PTPN14: variants seen among roughly 807,000 people sequenced by gnomAD.
PTPN14 encodes the protein tyrosine-protein phosphatase non-receptor type 14.
PTPN14 carries 53 observed loss-of-function variants against 126.8 expected under a neutral mutation model. The ratio of observed to expected loss-of-function variants is 0.42; its 90% CI spans 0.34 to 0.53. The LOEUF is 0.53. Among genes scored for constraint, PTPN14 ranks in the 20% least tolerant of loss-of-function variants. The probability of loss-of-function intolerance (pLI) is 0.08; values close to 1 mark genes in which losing one functional copy is unlikely to be tolerated. For synonymous variants in PTPN14, 630 were observed against 599.3 expected (o/e 1.05, Z -0.75); for missense variants, 1,257 against 1,552.9 (o/e 0.81, Z 3.20).
At chr1:214,414,392 C>T (rs1446515515) in intron 4 of PTPN14, among the ~76,000 whole-genome samples, 1 of 152,142 alleles carries the variant, frequency 6.6e-6, no homozygotes, top group Non-Finnish European at 1.5e-5. Context: ...CTGCTATTTC[C>T]TCATATAAAA....
chr1:214,464,048 T>C (rs1324835921), intron 2 of PTPN14, among the ~76,000 whole-genome samples: 1 of 152,154 alleles, frequency 6.6e-6, no homozygotes, highest in Admixed American at 6.5e-5. Context: ...TTAAAAGCCA[T>C]CTCACAGACG....
At chr1:214,438,301 TA>T in intron 3 of PTPN14, among the ~76,000 whole-genome samples, 1 of 152,166 alleles carries the variant, frequency 6.6e-6, no homozygotes, top group Non-Finnish European at 1.5e-5. Flanking sequence ...TCGGGCCTGA[TA>T]ACCTTAGCCT....
chr1:214,520,065 A>AAAAATATAT, intron 1 of PTPN14, among the ~76,000 whole-genome samples: 29 of 71,110 alleles, frequency 4.1e-4, no homozygotes, highest in African/African-American at 2.1e-3. Flanking sequence ...AAAAAAAAAA[A>AAAAATATAT]ATATATATAT....
intron 1 of PTPN14, among the ~76,000 whole-genome samples, chr1:214,497,108 T>C (rs181332589): frequency 1.3e-5 from 2 of 151,834 alleles, no homozygotes; most frequent in Admixed American, 1.3e-4. Flanking sequence ...TTGAGCTCTA[T>C]TGGGGCAGCG....
intron 1 of PTPN14, among the ~76,000 whole-genome samples, chr1:214,490,784 C>T (rs919073331): frequency 2.8e-5 from 4 of 143,676 alleles, no homozygotes; most frequent in Non-Finnish European, 4.5e-5. Flanking sequence ...TTGCAGTGAG[C>T]CGAGATTGCG....
chr1:214,509,960 G>A (rs922600519), intron 1 of PTPN14, among the ~76,000 whole-genome samples: 2 of 152,168 alleles, frequency 1.3e-5, no homozygotes, highest in African/African-American at 4.8e-5. Flanking sequence ...GACACAGGGT[G>A]GGGAACATCA....
chr1:214,541,054 C>T (rs1164990504), intron 1 of PTPN14, among the ~76,000 whole-genome samples: 2 of 151,978 alleles, frequency 1.3e-5, no homozygotes, highest in African/African-American at 4.8e-5. Context: ...CAAAATATGT[C>T]TCCAAAGGTG....
intron 5 of PTPN14, among the ~76,000 whole-genome samples, chr1:214,405,722 C>A (rs1462136608): frequency 6.6e-6 from 1 of 151,934 alleles, no homozygotes; most frequent in African/African-American, 2.4e-5. Flanking sequence ...AATAATATGA[C>A]AACTAAATAA....
At position 214,462,101 on chromosome 1, in the gene PTPN14, T is replaced by G. The variant is rs77153793; in HGVS notation, c.174+2529A>C. On this transcript the variant is annotated intron_variant, in intron 2 of 18. Coordinates refer to ENST00000366956, the MANE Select transcript of PTPN14 (RefSeq NM_005401.5). ...GGCACAACTTCAATGTTATCTGTCATGGAAGGAAAGCATAAAATTCAAAAA... is the reference window on the plus strand; with the variant it reads ...GGCACAACTTCAATGTTATCTGTCAGGGAAGGAAAGCATAAAATTCAAAAA... Among the ~76,000 whole-genome samples, 519 of 152,262 alleles carry G rather than the reference T, an allele frequency of 3.4e-3. 1 individual carries two copies. The highest frequency in any genetic ancestry group is 6.5e-3 in the Non-Finnish European group (442 of 68,024).
chr1:214,529,862 C>A (rs944851644), intron 1 of PTPN14: 1 of 151,854 alleles, frequency 6.6e-6, no homozygotes, highest in Non-Finnish European at 1.5e-5. Context: ...CTAGCCTGGG[C>A]GAAAGAGTGT....
intron 1 of PTPN14, among the ~76,000 whole-genome samples, chr1:214,490,673 C>G (rs1326823875): frequency 1.3e-5 from 2 of 151,400 alleles, no homozygotes; most frequent in African/African-American, 4.9e-5. Context: ...CCTGTTTCTA[C>G]TAAAAATACA....
At position 214,383,706 on chromosome 1, in the gene PTPN14, C is replaced by A. The variant is rs1345066769; in HGVS notation, c.2149G>T (p.Ala717Ser). The change falls in exon 13 of 19, where the codon GCT (alanine) becomes TCT (serine). Residue 717 changes from alanine (A) to serine (S), a missense_variant. By Grantham distance (99) the Ala-to-Ser change is moderately conservative. Transcript: ENST00000366956. The surrounding 1 kb of genome is among the most constrained non-coding windows in gnomAD (Gnocchi z 4.4). ...SSESEEEEEE[A>S]PESVPQIPML... ...GGGATCTGGGGCACCGATTCTGGAG[C>A]CTCCTCCTCCTCCTCCTCACTCTCG... The A allele has an allele frequency of 2.0e-6, 3 of 1,509,394 alleles. No individual in the cohort carries two copies. In the African/African-American group the frequency reaches 4.3e-5, roughly 22 times the overall value. The allele number at this position is 1,509,394 out of a possible 1,614,324, so 93.5% of individuals were successfully genotyped here. A position where few individuals can be genotyped will look rare whatever the true frequency, so the allele number is the denominator to read the frequency against.
chr1:214,442,720 G>A (rs1174323283), intron 3 of PTPN14, among the ~76,000 whole-genome samples: 2 of 152,106 alleles, frequency 1.3e-5, no homozygotes, highest in Admixed American at 6.6e-5. Flanking sequence ...TTACGGCTAA[G>A]TTAACTTCGG....
chr1:214,359,587 A>G (rs903027781), intron 18 of PTPN14, among the ~76,000 whole-genome samples: 3 of 151,620 alleles, frequency 2.0e-5, no homozygotes, highest in African/African-American at 4.9e-5. Context: ...TGGTGCGATC[A>G]TAACTCATTG....
At chr1:214,366,232 T>G (rs1406585650) in intron 17 of PTPN14, among the ~76,000 whole-genome samples, 1 of 152,098 alleles carries the variant, frequency 6.6e-6, no homozygotes, top group East Asian at 1.9e-4. Context: ...GAGGGAGTAG[T>G]TACTATTAGG....
At chr1:214,459,377 T>C (rs1572013183) in intron 2 of PTPN14, among the ~76,000 whole-genome samples, 1 of 151,926 alleles carries the variant, frequency 6.6e-6, no homozygotes, top group South Asian at 2.1e-4. Flanking sequence ...GGTCTCGAAC[T>C]CCTGACTTCA....
chr1:214,482,076 T>G (rs1033300714), intron 1 of PTPN14, among the ~76,000 whole-genome samples: 2 of 152,032 alleles, frequency 1.3e-5, no homozygotes, highest in East Asian at 3.9e-4. Context: ...ATGAACTGAT[T>G]TGGACACACA....
Position 214,364,469 on chromosome 1 carries a change from T to A in PTPN14, c.3435+43A>T, listed in dbSNP as rs927756210. ...AAGGTTTGGCCAGGGTGTAGACTTG[T>A]CCCCAAGGTGGAGTATCCGGAGAGA... On this transcript the variant is annotated intron_variant, in intron 18 of 18. Transcript: ENST00000366956. The surrounding 1 kb of genome is among the most constrained non-coding windows in gnomAD (Gnocchi z 4.1). The A allele has an allele frequency of 1.3e-5, 20 of 1,599,304 alleles. No homozygotes were observed. Among genetic ancestry groups the A allele is most frequent in the Non-Finnish European group, 1.7e-5 (20 of 1,171,342 alleles).
intron 1 of PTPN14, among the ~76,000 whole-genome samples, chr1:214,513,743 G>A (rs994938273): frequency 5.9e-5 from 9 of 151,978 alleles, no homozygotes; most frequent in African/African-American, 1.2e-4. Flanking sequence ...TTTCTGTCTC[G>A]GTTTCTCGAT....
Sources: gnomAD v4.1 joint callset for allele counts (sites outside exome capture counted in the v4.1 genomes callset) on GRCh38, gnomAD v4.1.1 for gene constraint, Gnocchi (gnomAD v3.1) non-coding constraint, MANE v1.5 for transcripts, NCBI Gene and HGNC (gene_info 2026-07-23, HGNC 2026-07-21) for gene names.